ZNF701: variants seen among roughly 807,000 people sequenced by gnomAD.
ZNF701 encodes zinc finger protein 701.
In ZNF701, 6 loss-of-function variants were observed where a neutral mutation model predicts 7.1. The observed-to-expected ratio is 0.84, with a 90% confidence interval of 0.46 to 1.66. The LOEUF (loss-of-function observed/expected upper bound fraction) is 1.66, where lower values mean the gene tolerates loss of function less well. Among genes scored for constraint, ZNF701 ranks in the 40% most tolerant of loss-of-function variants. The pLI is 0.01. For missense variants in ZNF701, 541 were observed against 559.2 expected (o/e 0.97, Z 0.33); for synonymous variants, 166 against 188.2 (o/e 0.88, Z 0.97).
intron 3 of ZNF701, among the ~76,000 whole-genome samples, chr19:52,578,366 A>G (rs910871841): frequency 6.6e-6 from 1 of 151,448 alleles, no homozygotes; most frequent in South Asian, 2.1e-4. Context: ...TCCTATGATC[A>G]CGTGACTTGC....
the ZNF701 span, among the ~76,000 whole-genome samples, chr19:52,594,503 G>T: frequency 1.7e-4 from 22 of 130,408 alleles, no homozygotes; most frequent in African/African-American, 6.6e-4. Flanking sequence ...CTTTTGTTCT[G>T]TTTTTTTTGT....
At chr19:52,597,439 A>G in the ZNF701 span, 32 of 471,576 alleles carry the variant, frequency 6.8e-5, no homozygotes, top group South Asian at 4.7e-4. Context: ...TACAGTGACT[A>G]TAGAAGATCA....
At chr19:52,591,474 C>G (rs571693526), downstream of ZNF701, among the ~76,000 whole-genome samples, 1 of 152,136 alleles carries the variant, frequency 6.6e-6, no homozygotes, top group Non-Finnish European at 1.5e-5. Flanking sequence ...AGCCCCAATG[C>G]CCGGCCATAT....
At chr19:52,576,172 T>G (rs1469245550) in intron 3 of ZNF701, 151 bp downstream of exon 3, 1 of 1,511,734 alleles carries the variant, frequency 6.6e-7, no homozygotes, top group Non-Finnish European at 8.9e-7. Context: ...GCATCTGGAC[T>G]TTCACTGTCC....
rs767803973 is a variant in ZNF701, at chr19:52,583,496, C to G, written c.*39C>G. 7.5e-6 allele frequency: 12 copies of G among 1,607,856 alleles called. No individual in the cohort carries two copies. Among genetic ancestry groups the G allele is most frequent in the Non-Finnish European group, 1.0e-5 (12 of 1,176,136 alleles). ...CAAGGTTTTTAGGCAACAGTCAAAC[C>G]TTGCATGTCATCATAGACTTTATAC... is the stretch of plus-strand genomic sequence containing the variant. On this transcript the variant is annotated 3_prime_UTR_variant, in exon 4 of 4. Transcript: ENST00000391785.
At chr19:52,597,125 A>G in the ZNF701 span, 1 of 840,018 alleles carries the variant, frequency 1.2e-6, no homozygotes, top group African/African-American at 1.7e-5. Flanking sequence ...TCAGACATCG[A>G]TCATATCTTG....
intron 3 of ZNF701, among the ~76,000 whole-genome samples, chr19:52,579,287 G>A (rs2059959442): frequency 7.1e-6 from 1 of 141,578 alleles, no homozygotes. Context: ...AGCACTTTGG[G>A]AGGCCAAGGC....
chr19:52,585,682 G>A lies in ZNF701; in HGVS notation c.*2225G>A, dbSNP rs35764467. The stretch of plus-strand genomic sequence containing the variant: ...GCGTCTCCAGGGCCCCATTTACAAA[G>A]TTTTTGGAGGTTATTTTTTTTTGAG... On this transcript the variant is annotated 3_prime_UTR_variant, in exon 4 of 4. Transcript: ENST00000391785. The A allele has an allele frequency of 0.28, 43,149 of 151,968 alleles. 7,377 individuals are homozygous for A. The highest frequency in any genetic ancestry group is 0.44 in the South Asian group (2,110 of 4,816). The allele number at this position is 151,968 out of a possible 1,614,324, so 9.4% of individuals were successfully genotyped here. A position where few individuals can be genotyped will look rare whatever the true frequency, so the allele number is the denominator to read the frequency against.
chr19:52,583,448 G>T lies in ZNF701; in HGVS notation c.1389G>T (p.Lys463Asn), dbSNP rs367609823. The T allele has an allele frequency of 2.9e-5, 46 of 1,611,546 alleles. 1 individual carries two copies. The Admixed American group carries it at 5.5e-4, about 19-fold the overall frequency. ...LERHHRLHTGKKS is the reference protein window; with the variant it reads ...LERHHRLHTGNKS ...GTCATCATAGACTTCATACTGGAAAGAAATCTTAGAAGTGTAAATTTGCAA... is the reference window on the plus strand; with the variant it reads ...GTCATCATAGACTTCATACTGGAAATAAATCTTAGAAGTGTAAATTTGCAA... The change falls in exon 4 of 4, where the codon AAG becomes AAT. Residue 463 changes from lysine to asparagine, a missense_variant. Transcript: ENST00000391785.
At chr19:52,571,078 G>A (rs955294110) in intron 1 of ZNF701, among the ~76,000 whole-genome samples, 1 of 149,640 alleles carries the variant, frequency 6.7e-6, no homozygotes, top group African/African-American at 2.5e-5. Context: ...GATGGGTGAG[G>A]GATTTGCCAA....
downstream of ZNF701, among the ~76,000 whole-genome samples, chr19:52,590,327 C>G (rs771659004): frequency 6.6e-6 from 1 of 151,994 alleles, no homozygotes; most frequent in Non-Finnish European, 1.5e-5. Context: ...TCTGCAAACT[C>G]CTGACCTCAG....
At position 52,584,673 on chromosome 19, in the gene ZNF701, C is replaced by T. The variant is rs571242626; in HGVS notation, c.*1216C>T. ...TATGTTTATTCCTAAGTATTTCTTACTTTAAGATCTCTAGCAAATGGAAGT... is the reference window on the plus strand; with the variant it reads ...TATGTTTATTCCTAAGTATTTCTTATTTTAAGATCTCTAGCAAATGGAAGT... On this transcript the variant is annotated 3_prime_UTR_variant, in exon 4 of 4. Transcript: ENST00000391785. 1 of 152,264 alleles carries T rather than the reference C, an allele frequency of 6.6e-6. No homozygotes were observed. The highest frequency in any genetic ancestry group is 2.4e-5 in the African/African-American group (1 of 41,534). 9.4% of individuals were successfully genotyped at this position (152,264 alleles called of 1,614,324 possible).
At chr19:52,596,744 GTAATGCA>G in the ZNF701 span, 2 of 515,722 alleles carry the variant, frequency 3.9e-6, no homozygotes, top group South Asian at 2.9e-5. Flanking sequence ...TTCAGCCCTT[GTAATGCA>G]TAAGGCAATT....
At chr19:52,593,555 C>G in the ZNF701 span, among the ~76,000 whole-genome samples, 1 of 113,026 alleles carries the variant, frequency 8.8e-6, no homozygotes, top group Non-Finnish European at 1.9e-5. Flanking sequence ...CCACCTCCCT[C>G]CGGGACGAGG....
rs902755468 is a variant in ZNF701, at chr19:52,585,247, C to A, written c.*1790C>A. ...CGCCTCGCGCTGTTTCAGGTCCTCA[C>A]CAGCGAGTTGGACTCTCGCCCTGGG... On this transcript the variant is annotated 3_prime_UTR_variant, in exon 4 of 4. Coordinates refer to ENST00000391785, the MANE Select transcript of ZNF701 (RefSeq NM_018260.3). 2.6e-5 allele frequency: 4 copies of A among 152,020 alleles called. No homozygotes were observed. The highest frequency in any genetic ancestry group is 7.3e-5 in the African/African-American group (3 of 41,222). The allele number at this position is 152,020 out of a possible 1,614,324, so 9.4% of individuals were successfully genotyped here. A position where few individuals can be genotyped will look rare whatever the true frequency, so the allele number is the denominator to read the frequency against.
the ZNF701 span, chr19:52,598,137 G>C: frequency 6.6e-6 from 1 of 152,180 alleles, no homozygotes; most frequent in African/African-American, 2.4e-5. Flanking sequence ...GTAGAGACGG[G>C]GTTTCACTGT....
rs1243234774 is a variant in ZNF701 at position 52,583,822 on chromosome 19, A to G, written c.*365A>G. ...AATGATTGTCACAAAGTCTTCAGTA[A>G]TATTACAGCCATTGCAAAACATTGG... On this transcript the variant is annotated 3_prime_UTR_variant, in exon 4 of 4. Coordinates refer to ENST00000391785, the MANE Select transcript of ZNF701 (RefSeq NM_018260.3). 5 of 568,028 alleles carry G rather than the reference A, an allele frequency of 8.8e-6. No individual in the cohort carries two copies. The highest frequency in any genetic ancestry group is 3.4e-5 in the East Asian group (1 of 29,650). 35.2% of individuals were successfully genotyped at this position (568,028 alleles called of 1,614,324 possible). A position where few individuals can be genotyped will look rare whatever the true frequency, so the allele number is the denominator to read the frequency against.
chr19:52,589,502 G>A (rs1036071290), downstream of ZNF701, among the ~76,000 whole-genome samples: 2 of 140,050 alleles, frequency 1.4e-5, no homozygotes, highest in Admixed American at 7.5e-5. Flanking sequence ...CTTTTAAGAC[G>A]GAGTTTTGCT....
At chr19:52,577,070 T>A (rs967035931) in intron 3 of ZNF701, among the ~76,000 whole-genome samples, 2 of 152,186 alleles carry the variant, frequency 1.3e-5, no homozygotes, top group Admixed American at 1.3e-4. Flanking sequence ...CATCTTTCTT[T>A]GCCCCCACTT....
Sources: gnomAD v4.1 joint callset for allele counts (sites outside exome capture counted in the v4.1 genomes callset) on GRCh38, gnomAD v4.1.1 for gene constraint, MANE v1.5 for transcripts, NCBI Gene and HGNC (gene_info 2026-07-23, HGNC 2026-07-21) for gene names.